Variants in POC1B observed in about 807,000 individuals in gnomAD.
POC1B encodes POC1 centriolar protein B.
POC1B carries 44 observed loss-of-function variants against 60.6 expected under a neutral mutation model. That is an observed-to-expected ratio of 0.73 (90% CI 0.57 to 0.93). The LOEUF (loss-of-function observed/expected upper bound fraction) is 0.93. Among genes scored for constraint, POC1B ranks in the 40% least tolerant of loss-of-function variants. The pLI, the probability that POC1B is intolerant of heterozygous loss-of-function variation, is 0.00. For synonymous variants in POC1B, 180 were observed against 198.9 expected (o/e 0.90, Z 0.80); for missense variants, 555 against 572.3 (o/e 0.97, Z 0.31).
At chr12:89,409,674 C>T in the POC1B span, among the ~76,000 whole-genome samples, 1 of 152,190 alleles carries the variant, frequency 6.6e-6, no homozygotes, top group Non-Finnish European at 1.5e-5. Context: ...ATACTATAAA[C>T]ACCTCTGTGC....
chr12:89,472,458 C>A (rs993586249), intron 4 of POC1B, 183 bp from the exon 5 acceptor site: 1 of 516,094 alleles, frequency 1.9e-6, no homozygotes, highest in Non-Finnish European at 3.4e-6. Context: ...ACTGACAGAC[C>A]ATTAAAAGGT....
intron 11 of POC1B, among the ~76,000 whole-genome samples, chr12:89,421,901 G>A (rs774687948): frequency 6.6e-6 from 1 of 152,096 alleles, no homozygotes; most frequent in Non-Finnish European, 1.5e-5. Flanking sequence ...TTAGCTGAAG[G>A]AGTTAGAACA....
chr12:89,476,515 C>G (rs1883110534), intron 4 of POC1B, among the ~76,000 whole-genome samples: 10 of 152,056 alleles, frequency 6.6e-5, no homozygotes. Context: ...TGAGACAAGC[C>G]TAGGCAATAT....
At chr12:89,455,737 A>G (rs577395144) in intron 10 of POC1B, among the ~76,000 whole-genome samples, 10 of 152,322 alleles carry the variant, frequency 6.6e-5, no homozygotes, top group African/African-American at 2.2e-4. Flanking sequence ...CTACTTCTAA[A>G]GAAAGGCATA....
At chr12:89,524,356 T>G in intron 2 of POC1B, 1 of 1,614,052 alleles carries the variant, frequency 6.2e-7, no homozygotes, top group Non-Finnish European at 8.5e-7. Context: ...AGGGGGCTTC[T>G]TATAAAGCGG....
chr12:89,425,190 T>C lies in POC1B; in HGVS notation c.1303A>G (p.Ile435Val), dbSNP rs1303800165. The change falls in exon 11 of 12, where the codon ATT (isoleucine) becomes GTT (valine). Residue 435 changes from isoleucine to valine, a missense_variant. Transcript: ENST00000313546. ...PLAVTDALEH[I>V]MEQLNVLTQT... is the part of the protein sequence containing the mutation. ...GTCAAAACATTGAGTTGTTCCATAA[T>C]ATGCTCTAAAGCATCAGTCACAGCG... 4 of 1,614,196 alleles carry C rather than the reference T, an allele frequency of 2.5e-6. No homozygotes were observed. Among genetic ancestry groups the C allele is most frequent in the Non-Finnish European group, 3.4e-6 (4 of 1,179,996 alleles).
At chr12:89,518,013 T>C (rs1870539331) in intron 2 of POC1B, among the ~76,000 whole-genome samples, 1 of 152,092 alleles carries the variant, frequency 6.6e-6, no homozygotes, top group Admixed American at 6.5e-5. Flanking sequence ...GCCTGGAAGA[T>C]TGATAAAGCT....
chr12:89,523,907 CCCCAATCAGA>C (rs1463513094), intron 2 of POC1B: 2 of 1,594,858 alleles, frequency 1.3e-6, no homozygotes, highest in East Asian at 4.5e-5. Context: ...GCGAAAGTGG[CCCCAATCAGA>C]CGGGCCCTAA....
chr12:89,517,179 A>G (rs1378334946), intron 2 of POC1B, among the ~76,000 whole-genome samples: 1 of 152,100 alleles, frequency 6.6e-6, no homozygotes, highest in African/African-American at 2.4e-5. Context: ...TTGATCTAGG[A>G]CAGCTCTTTC....
intron 10 of POC1B, among the ~76,000 whole-genome samples, chr12:89,450,199 G>T (rs1272857346): frequency 1.3e-5 from 2 of 151,912 alleles, no homozygotes; most frequent in Non-Finnish European, 2.9e-5. Context: ...CATGGCAAGA[G>T]GTAAATCTTC....
intron 11 of POC1B, among the ~76,000 whole-genome samples, chr12:89,423,326 TG>T (rs1446622718): frequency 1.3e-5 from 2 of 151,830 alleles, no homozygotes; most frequent in Non-Finnish European, 2.9e-5. Flanking sequence ...AAAGAAGAAA[TG>T]GGGTCTCACT....
At chr12:89,406,352 G>A in the POC1B span, among the ~76,000 whole-genome samples, 1 of 152,150 alleles carries the variant, frequency 6.6e-6, no homozygotes, top group Non-Finnish European at 1.5e-5. Flanking sequence ...AAGACTTCTC[G>A]ATACACCATT....
At chr12:89,495,918 C>T (rs932115892) in intron 3 of POC1B, among the ~76,000 whole-genome samples, 1 of 152,040 alleles carries the variant, frequency 6.6e-6, no homozygotes, top group Non-Finnish European at 1.5e-5. Flanking sequence ...CGTGACACCA[C>T]GCCTGGCTAA....
Position 89,459,630 on chromosome 12 carries a change from CG to C in POC1B, c.1113+7del. 7.3e-7 allele frequency: 1 copy of C among 1,361,620 alleles called. No individual in the cohort carries two copies. The highest frequency in any genetic ancestry group is 9.8e-7 in the Non-Finnish European group (1 of 1,018,074). 84.3% of individuals were successfully genotyped at this position (1,361,620 alleles called of 1,614,324 possible). A position where few individuals can be genotyped will look rare whatever the true frequency, so the allele number is the denominator to read the frequency against. On this transcript the variant is annotated splice_region_variant and intron_variant, in intron 10 of 11. Transcript: ENST00000313546. ...AGTGTCAAAAAAAAAAAAAAAAACC[CG>C]ACTTACTGTGGTAGAATCAAAAGAA... is the stretch of plus-strand genomic sequence containing the variant.
At chr12:89,412,407 A>C in the POC1B span, among the ~76,000 whole-genome samples, 1 of 145,458 alleles carries the variant, frequency 6.9e-6, no homozygotes, top group Non-Finnish European at 1.5e-5. Flanking sequence ...GGCCAGGCGC[A>C]GTGGCTCACA....
chr12:89,497,393 GGT>G, intron 2 of POC1B, 51 bp from the exon 3 acceptor site: 1 of 1,540,248 alleles, frequency 6.5e-7, no homozygotes, highest in Non-Finnish European at 8.9e-7. Flanking sequence ...TGCAAACATA[GGT>G]GTGTCTCATT....
the POC1B span, among the ~76,000 whole-genome samples, chr12:89,412,807 GTTCCTTCCTTCC>G: frequency 2.4e-4 from 31 of 127,570 alleles, no homozygotes; most frequent in Non-Finnish European, 4.3e-4. Context: ...AGAAACACAT[GTTCCTTCCTTCC>G]TTCCTTCCTT....
chr12:89,524,230 CTGAGGTAAATATTGA>C, intron 2 of POC1B: 1 of 1,613,986 alleles, frequency 6.2e-7, no homozygotes. Context: ...AATCCTGTCA[CTGAGGTAAATATTGA>C]TGGCGTATCT....
intron 9 of POC1B, 39 bp downstream of exon 9, chr12:89,466,731 G>A (rs1166696366): frequency 6.5e-7 from 1 of 1,548,954 alleles, no homozygotes; most frequent in Non-Finnish European, 8.8e-7. Flanking sequence ...GCCTCAAAAT[G>A]TACACAAAAT....
Sources: gnomAD v4.1 joint callset for allele counts (sites outside exome capture counted in the v4.1 genomes callset) on GRCh38, gnomAD v4.1.1 for gene constraint, MANE v1.5 for transcripts, NCBI Gene and HGNC (gene_info 2026-07-23, HGNC 2026-07-21) for gene names.